NRG1: variants seen among roughly 807,000 people sequenced by gnomAD.
NRG1 encodes neuregulin 1, also known as pro-neuregulin-1, membrane-bound isoform.
A neutral mutation model predicts 63.8 loss-of-function variants in NRG1; 18 were observed. The observed-to-expected ratio is 0.28, with a 90% CI of 0.19 to 0.42. The LOEUF is 0.42. Among genes scored for constraint, NRG1 ranks in the 10% least tolerant of loss-of-function variants. The pLI is 1.00. For synonymous variants in NRG1, 302 were observed against 301.3 expected (o/e 1.00, Z -0.02); for missense variants, 762 against 814.7 (o/e 0.94, Z 0.79).
At chr8:31,667,272 C>G (rs1404208531) in intron 1 of NRG1, among the ~76,000 whole-genome samples, 1 of 152,112 alleles carries the variant, frequency 6.6e-6, no homozygotes, top group Non-Finnish European at 1.5e-5. Context: ...TTAGGAGTTC[C>G]CAATCTAATA....
At chr8:32,431,372 CCTT>C (rs1294289360) in intron 1 of NRG1, among the ~76,000 whole-genome samples, 2 of 152,094 alleles carry the variant, frequency 1.3e-5, no homozygotes, top group Admixed American at 1.3e-4. Flanking sequence ...CCTACTCCAC[CCTT>C]GCTGATAAAC....
At chr8:32,047,781 CTTTACA>C (rs778063132) in intron 1 of NRG1, among the ~76,000 whole-genome samples, 1 of 151,136 alleles carries the variant, frequency 6.6e-6, no homozygotes, top group Non-Finnish European at 1.5e-5. Flanking sequence ...GGTGAGAACA[CTTTACA>C]TTTACTCTTT....
At chr8:32,173,316 G>T (rs1840291112) in intron 1 of NRG1, among the ~76,000 whole-genome samples, 1 of 152,108 alleles carries the variant, frequency 6.6e-6, no homozygotes, top group African/African-American at 2.4e-5. Flanking sequence ...CACCAGGCCT[G>T]CCCTAAAAGA....
At chr8:32,050,478 C>A (rs973941084) in intron 1 of NRG1, among the ~76,000 whole-genome samples, 1 of 152,032 alleles carries the variant, frequency 6.6e-6, no homozygotes, top group African/African-American at 2.4e-5. Context: ...TGCTTATTGA[C>A]CAAACATGTG....
chr8:31,657,681 T>G (rs188110823), intron 1 of NRG1, among the ~76,000 whole-genome samples: 2 of 152,376 alleles, frequency 1.3e-5, no homozygotes, highest in East Asian at 3.9e-4. Context: ...AATTAGAATT[T>G]ACTGAGTTTC....
chr8:32,204,952 C>T lies in NRG1; in HGVS notation c.38-390876C>T, dbSNP rs570983037. On this transcript the variant is annotated intron_variant, in intron 1 of 10. Transcript: ENST00000519301. ...CGGTAGTTCTATTAGGGAAAATACACGAAAACAAATATAAAACAATAACAA... is the reference window on the plus strand; with the variant it reads ...CGGTAGTTCTATTAGGGAAAATACATGAAAACAAATATAAAACAATAACAA... 2.9e-4 allele frequency among the ~76,000 whole-genome samples: 44 copies of T among 152,042 alleles called. No homozygotes were observed. The South Asian group carries it at 4.8e-3, about 17-fold the overall frequency.
At chr8:32,336,321 G>A (rs1479594585) in intron 1 of NRG1, among the ~76,000 whole-genome samples, 1 of 152,206 alleles carries the variant, frequency 6.6e-6, no homozygotes, top group African/African-American at 2.4e-5. Context: ...TGAGTGAGAT[G>A]CGGAAAACAG....
chr8:32,332,711 GA>G (rs1166619727), intron 1 of NRG1, among the ~76,000 whole-genome samples: 1 of 152,094 alleles, frequency 6.6e-6, no homozygotes, highest in Non-Finnish European at 1.5e-5. Context: ...TAGCAAGTAA[GA>G]AAAAAGGCTA....
chr8:32,188,126 G>C (rs1033939340), intron 1 of NRG1, among the ~76,000 whole-genome samples: 1 of 151,830 alleles, frequency 6.6e-6, no homozygotes, highest in African/African-American at 2.4e-5. Flanking sequence ...GAGTGCAATG[G>C]TGTGCTCTTG....
At chr8:32,511,567 T>C (rs918414007) in intron 1 of NRG1, among the ~76,000 whole-genome samples, 3 of 151,790 alleles carry the variant, frequency 2.0e-5, no homozygotes, top group African/African-American at 7.3e-5. Context: ...CACAGAGGAA[T>C]TTTATACTGA....
chr8:32,146,808 C>T (rs2131788479), intron 1 of NRG1, among the ~76,000 whole-genome samples: 1 of 151,630 alleles, frequency 6.6e-6, no homozygotes, highest in East Asian at 1.9e-4. Flanking sequence ...TGTTATTTGC[C>T]ACTCCTTCTA....
At chr8:32,693,770 A>G (rs1011565392) in intron 5 of NRG1, among the ~76,000 whole-genome samples, 17 of 152,292 alleles carry the variant, frequency 1.1e-4, no homozygotes, top group Middle Eastern at 6.8e-3. Context: ...CTGATACAGT[A>G]AAGTCAAAAT....
chr8:31,787,660 A>C, intron 1 of NRG1, among the ~76,000 whole-genome samples: 1 of 152,210 alleles, frequency 6.6e-6, no homozygotes, highest in East Asian at 1.9e-4. Flanking sequence ...AGTTGTCATA[A>C]GCTTATTTTC....
chr8:32,306,441 G>A (rs1362806323), intron 1 of NRG1, among the ~76,000 whole-genome samples: 2 of 152,212 alleles, frequency 1.3e-5, no homozygotes, highest in East Asian at 3.9e-4. Flanking sequence ...TTCTTCTTGA[G>A]TTTGATCCAT....
intron 1 of NRG1, among the ~76,000 whole-genome samples, chr8:32,060,915 G>T (rs1192199976): frequency 6.6e-6 from 1 of 151,760 alleles, no homozygotes; most frequent in Non-Finnish European, 1.5e-5. Context: ...AGTGTGCTAA[G>T]ATTAGGTTTT....
chr8:31,955,884 AG>A (rs1452990714), intron 1 of NRG1, among the ~76,000 whole-genome samples: 1 of 151,710 alleles, frequency 6.6e-6, no homozygotes. Flanking sequence ...TTCAAAAAAA[AG>A]AAAAAATCAG....
intron 5 of NRG1, among the ~76,000 whole-genome samples, chr8:32,701,930 T>C (rs924675333): frequency 6.6e-6 from 1 of 152,238 alleles, no homozygotes; most frequent in African/African-American, 2.4e-5. Context: ...ATCACAAATG[T>C]GACTTTTCCT....
chr8:32,505,912 C>G (rs1828465197), intron 1 of NRG1, among the ~76,000 whole-genome samples: 1 of 152,178 alleles, frequency 6.6e-6, no homozygotes. Flanking sequence ...ACAGCGAGCA[C>G]CTCCAGACTC....
At chr8:32,059,368 A>G (rs989736) in intron 1 of NRG1, among the ~76,000 whole-genome samples, 136,352 of 151,910 alleles carry the variant, frequency 0.9, 62,981 homozygotes, top group Non-Finnish European at 1. Context: ...TGCATCGCTA[A>G]TGTCCTAAGT....
Sources: allele counts gnomAD v4.1 joint callset (sites outside exome capture counted in the v4.1 genomes callset), GRCh38; gene constraint gnomAD v4.1.1; transcripts MANE v1.5; gene names NCBI Gene and HGNC (gene_info 2026-07-23, HGNC 2026-07-21).